The following ZNF483 variants were observed in gnomAD, a reference collection of about 807,000 sequenced individuals.
ZNF483 encodes zinc finger protein HIT-10.
In ZNF483, 9 loss-of-function variants were observed where a neutral mutation model predicts 28.6. That is an observed-to-expected ratio of 0.32 (90% confidence interval 0.19 to 0.55). The LOEUF (loss-of-function observed/expected upper bound fraction) is 0.55, where lower values mean the gene tolerates loss of function less well. Among genes scored for constraint, ZNF483 ranks in the 20% least tolerant of loss-of-function variants. ZNF483 has a pLI of 0.93. For synonymous variants in ZNF483, 322 were observed against 306.2 expected, an observed-to-expected ratio of 1.05 and a Z score of -0.54; for missense variants, 675 against 871.7, an observed-to-expected ratio of 0.77 and a Z score of 2.84.
At chr9:111,562,941 T>C in intron 5 of ZNF483, 7 of 1,387,788 alleles carry the variant, frequency 5.0e-6, no homozygotes, top group Non-Finnish European at 6.5e-6. Context: ...GTTGTTGACT[T>C]TGAAACTTCC....
At chr9:111,564,301 A>G in intron 5 of ZNF483, 1 of 630,242 alleles carries the variant, frequency 1.6e-6, no homozygotes, top group Non-Finnish European at 2.1e-6. Flanking sequence ...TATTATTATT[A>G]TTATTATTAT....
intron 4 of ZNF483, 78 bp from the exon 5 acceptor site, chr9:111,534,183 C>T (rs189657081): frequency 8.3e-7 from 1 of 1,211,762 alleles, no homozygotes; most frequent in Admixed American, 2.0e-5. Context: ...CCTTGGAGAA[C>T]CAGAGGCTAT....
rs763273247 is a variant in ZNF483 at position 111,544,701 on chromosome 9, CAGTTA to C, written c.*1536_*1540del. Among the ~76,000 whole-genome samples the C allele has an allele frequency of 3.9e-5, 6 of 152,118 alleles. No homozygotes were observed. The highest frequency in any genetic ancestry group is 8.8e-5 in the Non-Finnish European group (6 of 68,032). ...GTAGAATTGATACAGAAAAAATTTT[CAGTTA>C]AGTTTTCTTTTGTGAAATTAGACCT... On this transcript the variant is annotated 3_prime_UTR_variant, in exon 6 of 6. Transcript: ENST00000309235.
At chr9:111,575,729 T>C (rs1829026536) in intron 5 of ZNF483, among the ~76,000 whole-genome samples, 1 of 152,152 alleles carries the variant, frequency 6.6e-6, no homozygotes, top group South Asian at 2.1e-4. Flanking sequence ...TTCCTTATAC[T>C]ACACACAAAA....
intron 1 of ZNF483, among the ~76,000 whole-genome samples, chr9:111,525,642 C>A (rs1827168217): frequency 6.6e-6 from 1 of 152,072 alleles, no homozygotes; most frequent in Admixed American, 6.5e-5. Flanking sequence ...GCCAGAGGAC[C>A]GCTGGGGGGT....
chr9:111,530,321 C>T (rs1487556469), intron 2 of ZNF483, among the ~76,000 whole-genome samples: 1 of 152,174 alleles, frequency 6.6e-6, no homozygotes, highest in Non-Finnish European at 1.5e-5. Flanking sequence ...GCCCCTTGCC[C>T]TATGCAATGC....
Position 111,542,681 on chromosome 9 carries a change from C to T in ZNF483, c.1746C>T (p.Gly582=), listed in dbSNP as rs745968123. 30 of 1,613,380 alleles carry T rather than the reference C, an allele frequency of 1.9e-5. No individual in the cohort carries two copies. Among genetic ancestry groups the T allele is most frequent in the Admixed American group, 3.3e-5 (2 of 59,938 alleles). The change falls in exon 6 of 6, where the codon GGC becomes GGT. Residue 582 remains glycine (G), a synonymous_variant. Coordinates refer to ENST00000309235, the MANE Select transcript of ZNF483 (RefSeq NM_133464.5). The surrounding 1 kb of genome is among the most constrained non-coding windows in gnomAD (Gnocchi z 6.2). The part of the protein sequence containing the change: ...IHTGEKPYKC[G]ECGKAFRQNS... ...CTGGAGAGAAACCCTATAAATGTGG[C>T]GAATGTGGAAAAGCCTTTAGGCAGA... is the stretch of plus-strand genomic sequence containing the variant.
downstream of ZNF483, among the ~76,000 whole-genome samples, chr9:111,556,714 A>C (rs1030811718): frequency 6.6e-6 from 1 of 152,156 alleles, no homozygotes; most frequent in African/African-American, 2.4e-5. Flanking sequence ...GTGAGTTCTC[A>C]TGAGATCTGG....
At chr9:111,572,804 C>A (rs1828886915) in intron 5 of ZNF483, among the ~76,000 whole-genome samples, 1 of 150,692 alleles carries the variant, frequency 6.6e-6, no homozygotes, top group Admixed American at 6.6e-5. Flanking sequence ...AAAAAAATCT[C>A]CAGTCTGGGA....
chr9:111,532,840 T>G (rs1304503575), intron 3 of ZNF483, among the ~76,000 whole-genome samples: 1 of 149,472 alleles, frequency 6.7e-6, no homozygotes. Context: ...ACCCAGGAGG[T>G]GGAGGTTGCA....
chr9:111,548,629 G>A lies in ZNF483; in HGVS notation c.*5459G>A, dbSNP rs1827857593. Among the ~76,000 whole-genome samples the A allele has an allele frequency of 6.6e-6, 1 of 152,190 alleles. No homozygotes were observed. Among genetic ancestry groups the A allele is most frequent in the South Asian group, 2.1e-4 (1 of 4,830 alleles). On this transcript the variant is annotated 3_prime_UTR_variant, in exon 6 of 6. Transcript: ENST00000309235. Reference sequence around the variant, plus strand: ...CTCTAGCTAGGACTTCCAGTACTGTGTTGAATACAAGTAGCAAAAGCAGGC... The same window carrying A: ...CTCTAGCTAGGACTTCCAGTACTGTATTGAATACAAGTAGCAAAAGCAGGC...
At position 111,574,735 on chromosome 9, in the gene ZNF483, T is replaced by C. The variant is rs763759291; in HGVS notation, c.722-1630T>C. The stretch of plus-strand genomic sequence containing the variant: ...GGATCGTGTGCATGTGCTCATTACC[T>C]GGGGGAAGTGGGCCGGTTCTGTTAT... On this transcript the variant is annotated intron_variant, in intron 5 of 5. Transcript: ENST00000358151. The C allele has an allele frequency of 2.5e-6, 4 of 1,609,990 alleles. No homozygotes were observed. Among genetic ancestry groups the C allele is most frequent in the Non-Finnish European group, 3.4e-6 (4 of 1,177,354 alleles).
In ZNF483 at chr9:111,549,803, T is replaced by C; in HGVS notation, c.*6633T>C. On this transcript the variant is annotated 3_prime_UTR_variant, in exon 6 of 6. Transcript: ENST00000309235. ...CTTCTTCATTTTCTCTTTTGATCTG[T>C]CAACACAATCAGAACATTTAGCTCT... is the stretch of plus-strand genomic sequence containing the variant. 1 of 1,502,266 alleles carries C rather than the reference T, an allele frequency of 6.7e-7. No individual in the cohort carries two copies. 93.1% of individuals were successfully genotyped at this position (1,502,266 alleles called of 1,614,324 possible).
intron 5 of ZNF483, among the ~76,000 whole-genome samples, chr9:111,565,535 G>GT (rs1269162676): frequency 6.6e-6 from 1 of 151,892 alleles, no homozygotes; most frequent in African/African-American, 2.4e-5. Context: ...TTTTATTTTT[G>GT]TTTTTGAGAC....
chr9:111,539,543 C>T (rs1827617098), intron 5 of ZNF483: 1 of 441,428 alleles, frequency 2.3e-6, no homozygotes, highest in Non-Finnish European at 4.5e-6. Flanking sequence ...GCAGGTGGAT[C>T]ACCTGAGGTC....
intron 3 of ZNF483, among the ~76,000 whole-genome samples, chr9:111,531,437 C>T (rs371599203): frequency 1.2e-4 from 18 of 151,914 alleles, no homozygotes; most frequent in African/African-American, 3.6e-4. Flanking sequence ...AGTGCGGTGG[C>T]GGTATCTCGG....
intron 5 of ZNF483, among the ~76,000 whole-genome samples, chr9:111,560,771 A>G (rs1034021557): frequency 3.4e-5 from 5 of 147,180 alleles, no homozygotes; most frequent in African/African-American, 1.3e-4. Flanking sequence ...GTGAAACCCT[A>G]TCTCTACTAA....
intron 5 of ZNF483, chr9:111,563,301 G>A: frequency 7.1e-7 from 1 of 1,404,500 alleles, no homozygotes. Flanking sequence ...TCTCATCCTA[G>A]CAACAAATTT....
At chr9:111,570,584 C>T (rs748481557) in intron 5 of ZNF483, among the ~76,000 whole-genome samples, 1 of 150,558 alleles carries the variant, frequency 6.6e-6, no homozygotes, top group Non-Finnish European at 1.5e-5. Flanking sequence ...GCCTGGCCAA[C>T]ATAGTGAAAC....
Sources: gnomAD v4.1 joint callset for allele counts (sites outside exome capture counted in the v4.1 genomes callset) on GRCh38, gnomAD v4.1.1 for gene constraint, Gnocchi (gnomAD v3.1) non-coding constraint, MANE v1.5 for transcripts, NCBI Gene and HGNC (gene_info 2026-07-23, HGNC 2026-07-21) for gene names.